Variants in LIMA1 observed in about 807,000 individuals in gnomAD.
The protein encoded by LIMA1 is LIM domain and actin binding 1.
LIMA1 carries 52 observed loss-of-function variants against 62.6 expected under a neutral mutation model. The ratio of observed to expected loss-of-function variants is 0.83; its 90% CI spans 0.67 to 1.05. The LOEUF is 1.05. LIMA1 is among the 50% of genes least tolerant of loss of function. The probability of loss-of-function intolerance (pLI) is 0.00; values close to 1 mark genes in which losing one functional copy is unlikely to be tolerated. For synonymous variants in LIMA1, 302 were observed against 317.8 expected (o/e 0.95, Z 0.53); for missense variants, 780 against 902.2 (o/e 0.86, Z 1.74).
chr12:50,234,054 ATCATTTTG>A, intron 2 of LIMA1: 1 of 441,624 alleles, frequency 2.3e-6, no homozygotes, highest in South Asian at 1.7e-5. Flanking sequence ...TATTACTTTT[ATCATTTTG>A]TCATTTTTAT....
intron 1 of LIMA1, among the ~76,000 whole-genome samples, chr12:50,266,497 G>A (rs1459077465): frequency 6.6e-6 from 1 of 152,088 alleles, no homozygotes; most frequent in Admixed American, 6.6e-5. Context: ...ATTTCATTCT[G>A]TAATAGTTTA....
intron 1 of LIMA1, among the ~76,000 whole-genome samples, chr12:50,265,397 G>C (rs1374679595): frequency 6.6e-6 from 1 of 152,022 alleles, no homozygotes; most frequent in Non-Finnish European, 1.5e-5. Flanking sequence ...GCGCATGCCT[G>C]TAATCCCAGC....
At chr12:50,252,454 G>A (rs554529289) in intron 1 of LIMA1, among the ~76,000 whole-genome samples, 4 of 152,006 alleles carry the variant, frequency 2.6e-5, no homozygotes, top group Admixed American at 6.6e-5. Context: ...GGTGGCACGC[G>A]CCTGTAATCC....
intron 2 of LIMA1, among the ~76,000 whole-genome samples, chr12:50,235,574 A>C (rs1186473666): frequency 2.0e-5 from 3 of 151,962 alleles, no homozygotes; most frequent in Admixed American, 2.0e-4. Flanking sequence ...CCCCAATCCT[A>C]TCACTGTCTA....
rs1403101291 is a variant in LIMA1 at position 50,177,719 on chromosome 12, C to G, written c.1625G>C (p.Gly542Ala). 3 of 1,613,218 alleles carry G rather than the reference C, an allele frequency of 1.9e-6. No homozygotes were observed. Among genetic ancestry groups the G allele is most frequent in the Non-Finnish European group, 2.5e-6 (3 of 1,179,760 alleles). Residue 542 changes from glycine to alanine, a missense_variant, in exon 11 of 11, where the codon GGA (glycine) becomes GCA (alanine). Gly to Ala is a moderately conservative substitution (Grantham distance 60, BLOSUM62 0). Transcript: ENST00000341247. ...TTTGATCCCTTCCTCCAAGGCACTT[C>G]CTGAACTTCCAAGTTCAGTGGGGGG... is the stretch of plus-strand genomic sequence containing the variant. ...WPPPTELGSS[G>A]SALEEGIKMS...
intron 3 of LIMA1, among the ~76,000 whole-genome samples, chr12:50,227,237 C>CTTTTTTTTTTTTTTT (rs199650468): frequency 1.4e-4 from 17 of 123,990 alleles, no homozygotes; most frequent in Admixed American, 1.7e-4. Flanking sequence ...TTTTTCTTTT[C>CTTTTTTTTTTTTTTT]TTTTTTTTTT....
chr12:50,190,804 TA>T (rs1229932042), intron 9 of LIMA1, among the ~76,000 whole-genome samples: 299 of 119,580 alleles, frequency 2.5e-3, no homozygotes, highest in Middle Eastern at 4.4e-3. Context: ...CAACAGGTCC[TA>T]AAAAAAAAAA....
chr12:50,279,128 C>T (rs1942308935), intron 1 of LIMA1, among the ~76,000 whole-genome samples: 1 of 151,252 alleles, frequency 6.6e-6, no homozygotes, highest in South Asian at 2.1e-4. Flanking sequence ...GCTTCAGCCT[C>T]CTTAGTAGCT....
intron 7 of LIMA1, among the ~76,000 whole-genome samples, chr12:50,200,307 G>A (rs1317711497): frequency 6.6e-6 from 1 of 151,978 alleles, no homozygotes; most frequent in African/African-American, 2.4e-5. Flanking sequence ...GGGATCAAGC[G>A]ATTCTCCTGC....
At chr12:50,260,308 C>T (rs1041582462) in intron 1 of LIMA1, among the ~76,000 whole-genome samples, 5 of 152,080 alleles carry the variant, frequency 3.3e-5, no homozygotes, top group South Asian at 4.1e-4. Context: ...CCACCATACC[C>T]GGCTAAGTTT....
In LIMA1 at chr12:50,222,353, TG is replaced by T. The variant is rs1565847425; in HGVS notation, c.297del (p.His99GlnfsTer10). 1.9e-6 allele frequency: 3 copies of T among 1,614,172 alleles called. No homozygotes were observed. The highest frequency in any genetic ancestry group is 2.5e-6 in the Non-Finnish European group (3 of 1,180,032). On this transcript the variant is annotated frameshift_variant, in exon 4 of 11. Transcript: ENST00000341247. LOFTEE classifies it high-confidence loss of function. Reference sequence around the variant, plus strand: ...ACTTCAGCAGGAGGATGGTCTGCTCTGTGCCTAATCTCAGTGCTGCTGTTCC... The same window carrying T: ...ACTTCAGCAGGAGGATGGTCTGCTCTTGCCTAATCTCAGTGCTGCTGTTCC... The part of the protein sequence containing the change: ...SLRNSSTEIR[H>X]RADHPPAEVT...
intron 4 of LIMA1, among the ~76,000 whole-genome samples, chr12:50,211,795 C>T (rs1385675868): frequency 6.6e-6 from 1 of 150,544 alleles, no homozygotes. Flanking sequence ...GAACACAAAA[C>T]ACACACACAC....
chr12:50,177,927 CTT>C lies in LIMA1; in HGVS notation c.1415_1416del (p.Glu472GlyfsTer28). 1 of 1,614,034 alleles carries C rather than the reference CTT, an allele frequency of 6.2e-7. No homozygotes were observed. Among genetic ancestry groups the C allele is most frequent in the Non-Finnish European group, 8.5e-7 (1 of 1,179,996 alleles). On this transcript the variant is annotated frameshift_variant, in exon 11 of 11. Transcript: ENST00000341247. LOFTEE classifies it high-confidence loss of function. ...KDLWASKNEN[E>X]EILERPAQLA... ...AGCTGGGCTGGTCTCTCCAAAATCTCTTCGTTTTCATTTTTGCTTGCCCATAG... is the reference window on the plus strand; with the variant it reads ...AGCTGGGCTGGTCTCTCCAAAATCTCCGTTTTCATTTTTGCTTGCCCATAG...
intron 5 of LIMA1, among the ~76,000 whole-genome samples, chr12:50,204,929 A>G (rs1392396729): frequency 6.6e-6 from 1 of 152,232 alleles, no homozygotes; most frequent in Non-Finnish European, 1.5e-5. Context: ...TAATTTCAAA[A>G]TTCTAAATTT....
intron 1 of LIMA1, among the ~76,000 whole-genome samples, chr12:50,265,291 T>C (rs1410705212): frequency 6.6e-6 from 1 of 151,752 alleles, no homozygotes; most frequent in Non-Finnish European, 1.5e-5. Context: ...GAGGCCAAGG[T>C]GGGCAGATCA....
Position 50,176,803 on chromosome 12 carries a change from C to G in LIMA1, c.*261G>C. 1 of 343,784 alleles carries G rather than the reference C, an allele frequency of 2.9e-6. No homozygotes were observed. Among genetic ancestry groups the G allele is most frequent in the Non-Finnish European group, 5.2e-6 (1 of 191,116 alleles). 21.3% of individuals were successfully genotyped at this position (343,784 alleles called of 1,614,324 possible). On this transcript the variant is annotated 3_prime_UTR_variant, in exon 11 of 11. Transcript: ENST00000341247. Reference sequence around the variant, plus strand: ...GCTATTATCAGGTGGAATATTTCCCCAGTTACAAGCCTTACAGCACTTATG... The same window carrying G: ...GCTATTATCAGGTGGAATATTTCCCGAGTTACAAGCCTTACAGCACTTATG...
intron 4 of LIMA1, among the ~76,000 whole-genome samples, chr12:50,209,567 C>CAAAAAAAAAAAAAAAAAAAAA (rs1203309856): frequency 1.6e-5 from 1 of 61,704 alleles, no homozygotes; most frequent in African/African-American, 5.6e-5. Flanking sequence ...GACTCCATCT[C>CAAAAAAAAAAAAAAAAAAAAA]AAAAAAAAAA....
chr12:50,263,857 G>GAGAGAGTA (rs1255520197), intron 1 of LIMA1, among the ~76,000 whole-genome samples: 1 of 125,684 alleles, frequency 8.0e-6, no homozygotes, highest in African/African-American at 3.1e-5. Flanking sequence ...TATATAGAGA[G>GAGAGAGTA]TATATATATA....
intron 9 of LIMA1, among the ~76,000 whole-genome samples, chr12:50,183,361 A>G (rs1355542803): frequency 6.6e-6 from 1 of 152,156 alleles, no homozygotes; most frequent in East Asian, 1.9e-4. Context: ...GGAAGCTCTC[A>G]TCAGCAATTA....
Sources: allele counts gnomAD v4.1 joint callset (sites outside exome capture counted in the v4.1 genomes callset), GRCh38; gene constraint gnomAD v4.1.1; transcripts MANE v1.5; gene names NCBI Gene and HGNC (gene_info 2026-07-23, HGNC 2026-07-21).